Variants in TRHDE observed in about 807,000 individuals in gnomAD.
The protein encoded by TRHDE is thyrotropin releasing hormone degrading enzyme, also known as thyrotropin-releasing hormone-degrading ectoenzyme.
In TRHDE, 72 loss-of-function variants were observed where a neutral mutation model predicts 125.7. The observed-to-expected ratio is 0.57, with a 90% confidence interval of 0.47 to 0.70. The LOEUF is 0.70. Among genes scored for constraint, TRHDE ranks in the 30% least tolerant of loss-of-function variants. The pLI is 0.00. For synonymous variants in TRHDE, 509 were observed against 509.1 expected, an observed-to-expected ratio of 1.00 and a Z score of 0.00; for missense variants, 1,110 against 1,327.1, an observed-to-expected ratio of 0.84 and a Z score of 2.54.
chr12:72,166,090 A>G (rs1876740891), intron 2 of TRHDE, among the ~76,000 whole-genome samples: 1 of 152,138 alleles, frequency 6.6e-6, no homozygotes, highest in Non-Finnish European at 1.5e-5. Flanking sequence ...GCCATAGCCT[A>G]TTGTTCCTAG....
At chr12:72,645,943 C>T (rs888771285) in intron 15 of TRHDE, among the ~76,000 whole-genome samples, 1 of 152,044 alleles carries the variant, frequency 6.6e-6, no homozygotes, top group East Asian at 1.9e-4. Flanking sequence ...TCATCACCAG[C>T]AGACTTGCCT....
In TRHDE at chr12:72,668,266, G is replaced by A. The variant is rs532828758; in HGVS notation, c.*5071G>A. 5.2e-4 allele frequency: 79 copies of A among 151,676 alleles called. No individual in the cohort carries two copies. Among genetic ancestry groups the A allele is most frequent in the Non-Finnish European group, 9.9e-4 (67 of 67,706 alleles). 9.4% of individuals were successfully genotyped at this position (151,676 alleles called of 1,614,324 possible). ...AATTTTATTTTAAAGTTTAGGTAAGGAAAGTTTTTAAACTGTCTTAAATAT... is the reference window on the plus strand; with the variant it reads ...AATTTTATTTTAAAGTTTAGGTAAGAAAAGTTTTTAAACTGTCTTAAATAT... On this transcript the variant is annotated 3_prime_UTR_variant, in exon 19 of 19. Coordinates refer to ENST00000261180, the MANE Select transcript of TRHDE (RefSeq NM_013381.3).
chr12:72,365,141 A>G (rs1871289567), intron 2 of TRHDE, among the ~76,000 whole-genome samples: 2 of 152,112 alleles, frequency 1.3e-5, no homozygotes, highest in Admixed American at 1.3e-4. Context: ...AAAAATAATA[A>G]CAGCCCTGTT....
intron 3 of TRHDE, among the ~76,000 whole-genome samples, chr12:72,381,033 A>G (rs919952932): frequency 6.6e-5 from 10 of 152,114 alleles, no homozygotes; most frequent in Non-Finnish European, 1.2e-4. Flanking sequence ...ATGATTCCCA[A>G]TTGGGGGACA....
intron 15 of TRHDE, among the ~76,000 whole-genome samples, chr12:72,642,139 G>T (rs1592592218): frequency 6.6e-6 from 1 of 152,300 alleles, no homozygotes; most frequent in South Asian, 2.1e-4. Context: ...CTCCAGTGCT[G>T]TGAGAAATAA....
chr12:72,597,460 G>T (rs1461947052), intron 12 of TRHDE, among the ~76,000 whole-genome samples: 1 of 151,770 alleles, frequency 6.6e-6, no homozygotes, highest in Non-Finnish European at 1.5e-5. Flanking sequence ...CTGAGGTCAG[G>T]AGTTCGAGAC....
intron 6 of TRHDE, among the ~76,000 whole-genome samples, chr12:72,532,096 T>C (rs1366693738): frequency 6.6e-6 from 1 of 152,048 alleles, no homozygotes; most frequent in East Asian, 1.9e-4. Flanking sequence ...TACATCCTTG[T>C]GTGTTTGGTT....
chr12:72,172,748 T>C (rs1195259979), intron 2 of TRHDE, among the ~76,000 whole-genome samples: 2 of 152,232 alleles, frequency 1.3e-5, no homozygotes, highest in African/African-American at 4.8e-5. Context: ...GATTAAAAGA[T>C]GCTTCATGAG....
At chr12:72,339,298 TAC>T (rs1240018769) in intron 2 of TRHDE, among the ~76,000 whole-genome samples, 1 of 152,226 alleles carries the variant, frequency 6.6e-6, no homozygotes, top group Non-Finnish European at 1.5e-5. Context: ...ATTCCTCCTT[TAC>T]CTTTCCAATA....
chr12:72,639,092 C>T (rs1873909973), intron 15 of TRHDE, among the ~76,000 whole-genome samples: 1 of 150,890 alleles, frequency 6.6e-6, no homozygotes, highest in Admixed American at 6.6e-5. Flanking sequence ...TAATATCCTG[C>T]AGAGTGTTTT....
chr12:72,355,283 T>C lies in TRHDE; in HGVS notation c.1189-22712T>C, dbSNP rs546454973. On this transcript the variant is annotated intron_variant, in intron 2 of 18. Transcript: ENST00000261180. ...AAAGTTAATTCAGAAGTGGTTGGGG[T>C]TTATGGAGAGTTGTAGTTAGAGAAG... 9.2e-5 allele frequency among the ~76,000 whole-genome samples: 14 copies of C among 151,354 alleles called. No individual in the cohort carries two copies. In the South Asian group the frequency reaches 2.9e-3, roughly 31 times the overall value.
At chr12:72,436,514 AT>A (rs570637587) in intron 3 of TRHDE, among the ~76,000 whole-genome samples, 23 of 151,894 alleles carry the variant, frequency 1.5e-4, no homozygotes, top group Non-Finnish European at 2.4e-4. Flanking sequence ...CTACAAAGTA[AT>A]GGTGTTTGTT....
In TRHDE at chr12:72,524,874, T is replaced by G. The variant is rs186284515; in HGVS notation, c.1723-17417T>G. Among the ~76,000 whole-genome samples the G allele has an allele frequency of 1.7e-4, 26 of 152,296 alleles. 1 individual carries two copies. The highest frequency in any genetic ancestry group is 6.0e-4 in the African/African-American group (25 of 41,568). ...AGGAAGCAGCTTATGTATCCTGGTCTTCAAGGAAAACAGACAATCCTGGGC... is the reference window on the plus strand; with the variant it reads ...AGGAAGCAGCTTATGTATCCTGGTCGTCAAGGAAAACAGACAATCCTGGGC... On this transcript the variant is annotated intron_variant, in intron 6 of 18. Transcript: ENST00000261180.
At chr12:72,520,319 C>T (rs569791844) in intron 6 of TRHDE, among the ~76,000 whole-genome samples, 1 of 152,208 alleles carries the variant, frequency 6.6e-6, no homozygotes, top group Non-Finnish European at 1.5e-5. Context: ...ACCCTCCGAG[C>T]CAGGTGCGGG....
At chr12:72,236,192 A>G (rs920125803) in intron 2 of TRHDE, among the ~76,000 whole-genome samples, 7 of 152,198 alleles carry the variant, frequency 4.6e-5, no homozygotes, top group Non-Finnish European at 1.0e-4. Context: ...AAAAAAACAG[A>G]TGGAAGATGA....
chr12:72,661,801 C>A (rs1395345203), intron 18 of TRHDE, among the ~76,000 whole-genome samples: 1 of 152,050 alleles, frequency 6.6e-6, no homozygotes, highest in African/African-American at 2.4e-5. Flanking sequence ...TTAAGGACAA[C>A]ACCCATAAGT....
At chr12:72,410,219 ATAT>A (rs1873436377) in intron 3 of TRHDE, among the ~76,000 whole-genome samples, 1 of 151,960 alleles carries the variant, frequency 6.6e-6, no homozygotes, top group South Asian at 2.1e-4. Flanking sequence ...AAATATATAT[ATAT>A]TAATAGTATT....
intron 3 of TRHDE, among the ~76,000 whole-genome samples, chr12:72,399,132 G>T (rs1872927939): frequency 6.6e-6 from 1 of 152,206 alleles, no homozygotes; most frequent in South Asian, 2.1e-4. Context: ...AATTCCTGAT[G>T]ATCTGAGATG....
chr12:72,206,187 A>G (rs1339476108), intron 2 of TRHDE, among the ~76,000 whole-genome samples: 1 of 151,754 alleles, frequency 6.6e-6, no homozygotes, highest in African/African-American at 2.4e-5. Flanking sequence ...CCTGGGTTCA[A>G]GTGATTCTCC....
Sources: gnomAD v4.1 joint callset for allele counts (sites outside exome capture counted in the v4.1 genomes callset) on GRCh38, gnomAD v4.1.1 for gene constraint, MANE v1.5 for transcripts, NCBI Gene and HGNC (gene_info 2026-07-23, HGNC 2026-07-21) for gene names.